Variants in NUP155 observed in about 807,000 individuals in gnomAD.
NUP155 encodes the protein nucleoporin 155, also known as nuclear pore complex protein Nup155.
Under a neutral mutation model 180.4 loss-of-function variants are expected in NUP155, and 71 were observed. The observed-to-expected ratio is 0.39, with a 90% CI of 0.33 to 0.48. NUP155 has a LOEUF of 0.48. Ranked by LOEUF, NUP155 falls within the 20% of genes least tolerant of loss-of-function variation. The probability of loss-of-function intolerance (pLI) is 0.91; values close to 1 mark genes in which losing one functional copy is unlikely to be tolerated. For missense variants in NUP155, 1,553 were observed against 1,648.9 expected (o/e 0.94, Z 1.01); for synonymous variants, 582 against 559.5 (o/e 1.04, Z -0.57).
chr5:37,292,417 G>A (rs904439569), intron 34 of NUP155, among the ~76,000 whole-genome samples: 3 of 151,790 alleles, frequency 2.0e-5, no homozygotes, highest in South Asian at 2.1e-4. Context: ...GGGGTTTCAC[G>A]TGTTAGCCAG....
At chr5:37,307,958 T>A (rs1258957801) in intron 24 of NUP155, among the ~76,000 whole-genome samples, 40 of 144,272 alleles carry the variant, frequency 2.8e-4, no homozygotes, top group African/African-American at 6.8e-4. Context: ...AAAAAATATA[T>A]ATATATATAT....
chr5:37,312,738 A>G (rs1411310158), intron 22 of NUP155, among the ~76,000 whole-genome samples: 1 of 152,192 alleles, frequency 6.6e-6, no homozygotes, highest in Non-Finnish European at 1.5e-5. Flanking sequence ...CTAAAGTAGG[A>G]GAATCACTGG....
chr5:37,292,216 GA>G (rs2150933558), intron 34 of NUP155, among the ~76,000 whole-genome samples, 178 bp from the exon 35 acceptor site: 1 of 149,472 alleles, frequency 6.7e-6, no homozygotes, highest in South Asian at 2.1e-4. Flanking sequence ...TCCATTTGAA[GA>G]TTTTTTTTTT....
intron 20 of NUP155, among the ~76,000 whole-genome samples, chr5:37,322,014 C>G (rs1166839146): frequency 6.6e-6 from 1 of 152,068 alleles, no homozygotes; most frequent in African/African-American, 2.4e-5. Context: ...TGCCACCACA[C>G]CTGGCTAGTT....
At chr5:37,326,148 CTAAG>C (rs1434313043) in intron 18 of NUP155, among the ~76,000 whole-genome samples, 181 bp from the exon 19 acceptor site, 9 of 151,984 alleles carry the variant, frequency 5.9e-5, no homozygotes, top group African/African-American at 1.9e-4. Flanking sequence ...CCTGATGTAC[CTAAG>C]TTTTTCAGAT....
At position 37,332,313 on chromosome 5, in the gene NUP155, C is replaced by CTTTTTTTT. The variant is rs1021002313; in HGVS notation, c.1519-526_1519-519dup. 2.7e-3 allele frequency among the ~76,000 whole-genome samples: 237 copies of CTTTTTTTT among 87,704 alleles called. 30 individuals carry two copies. The highest frequency in any genetic ancestry group is 0.01 in the African/African-American group (183 of 17,718). 57.5% of individuals were successfully genotyped at this position (87,704 alleles called of 152,430 possible). On this transcript the variant is annotated intron_variant, in intron 13 of 34. Coordinates refer to ENST00000231498, the MANE Select transcript of NUP155 (RefSeq NM_153485.3). ...GCAATTGAGGTTTCTGCCATTACAGCTTTTTTTTTTTTTTTTTTTTTTTTT... is the reference window on the plus strand; with the variant it reads ...GCAATTGAGGTTTCTGCCATTACAGCTTTTTTTTTTTTTTTTTTTTTTTTTTTTTTTTT...
At chr5:37,314,482 C>A (rs542758137) in intron 21 of NUP155, among the ~76,000 whole-genome samples, 154 bp from the exon 22 acceptor site, 2 of 152,320 alleles carry the variant, frequency 1.3e-5, no homozygotes, top group East Asian at 1.9e-4. Flanking sequence ...ATGTTATTAT[C>A]TTCTCCGTGT....
At chr5:37,335,049 T>C (rs1745233127) in intron 12 of NUP155, among the ~76,000 whole-genome samples, 1 of 151,484 alleles carries the variant, frequency 6.6e-6, no homozygotes, top group East Asian at 1.9e-4. Flanking sequence ...TCCCAGCTAC[T>C]CTGGATGCTG....
chr5:37,363,913 T>C lies in NUP155; in HGVS notation c.367A>G (p.Ile123Val). Residue 123 changes from isoleucine to valine, a missense_variant, in exon 3 of 35, where the codon ATA becomes GTA. Transcript: ENST00000231498. The part of the protein sequence containing the change: ...SRAWLTIDSD[I>V]FMWNYEDGGD... ...CCATCCTCATAGTTCCACATGAATA[T>C]ATCACTGTCAATTGTGAGCCAAGCT... The C allele has an allele frequency of 6.2e-7, 1 of 1,613,284 alleles. No individual in the cohort carries two copies. Among genetic ancestry groups the C allele is most frequent in the Non-Finnish European group, 8.5e-7 (1 of 1,179,236 alleles).
chr5:37,369,461 A>C (rs1747819485), intron 1 of NUP155, among the ~76,000 whole-genome samples: 1 of 152,210 alleles, frequency 6.6e-6, no homozygotes, highest in Non-Finnish European at 1.5e-5. Context: ...TGGATGGAAA[A>C]GAAGGGGAAG....
At chr5:37,313,824 T>A (rs1006680328) in intron 22 of NUP155, among the ~76,000 whole-genome samples, 5 of 152,254 alleles carry the variant, frequency 3.3e-5, no homozygotes, top group African/African-American at 1.2e-4. Flanking sequence ...ATTTAGGTTG[T>A]TGGGCCCTTT....
intron 29 of NUP155, among the ~76,000 whole-genome samples, 192 bp from the exon 30 acceptor site, chr5:37,301,742 G>C (rs1742873954): frequency 6.6e-6 from 1 of 152,142 alleles, no homozygotes; most frequent in African/African-American, 2.4e-5. Flanking sequence ...AGTATACTGT[G>C]GCAGACTCCT....
chr5:37,324,518 T>C (rs1284562694), intron 19 of NUP155, among the ~76,000 whole-genome samples: 1 of 152,154 alleles, frequency 6.6e-6, no homozygotes, highest in Non-Finnish European at 1.5e-5. Flanking sequence ...TATGGAATCA[T>C]ATACTGTGTT....
chr5:37,337,999 C>A lies in NUP155; in HGVS notation c.1247-81G>T, dbSNP rs527745285. On this transcript the variant is annotated intron_variant, in intron 11 of 34. Coordinates refer to ENST00000231498, the MANE Select transcript of NUP155 (RefSeq NM_153485.3). ...AACCTTAATAATTATTAGGTTAGTG[C>A]AAAAGCAATTGCGGTTTTGCAATTA... The A allele has an allele frequency of 3.0e-5, 27 of 910,918 alleles. No homozygotes were observed. In the Admixed American group the frequency reaches 3.9e-4, roughly 13 times the overall value. The allele number at this position is 910,918 out of a possible 1,614,324, so 56.4% of individuals were successfully genotyped here.
At chr5:37,355,343 A>C (rs1481560324) in intron 4 of NUP155, among the ~76,000 whole-genome samples, 1 of 151,736 alleles carries the variant, frequency 6.6e-6, no homozygotes, top group Non-Finnish European at 1.5e-5. Context: ...ACCACATGCT[A>C]CTAAAAATAC....
At chr5:37,317,705 T>TG (rs397997404) in intron 21 of NUP155, among the ~76,000 whole-genome samples, 3 of 149,776 alleles carry the variant, frequency 2.0e-5, no homozygotes, top group African/African-American at 4.9e-5. Context: ...TTTTTTTTTT[T>TG]GAGGCAGGTT....
chr5:37,345,974 TGAAAAAAATTCCA>T (rs1290080555), intron 9 of NUP155, among the ~76,000 whole-genome samples: 1 of 151,966 alleles, frequency 6.6e-6, no homozygotes, highest in Non-Finnish European at 1.5e-5. Context: ...TTTGTGGATT[TGAAAAAAATTCCA>T]GAAAAAAATT....
chr5:37,332,313 CTT>C (rs1021002313), intron 13 of NUP155, among the ~76,000 whole-genome samples: 1,486 of 87,566 alleles, frequency 0.017, 20 homozygotes, highest in African/African-American at 0.071. Context: ...GCCATTACAG[CTT>C]TTTTTTTTTT....
At chr5:37,313,901 C>T (rs1743693105) in intron 22 of NUP155, among the ~76,000 whole-genome samples, 1 of 152,124 alleles carries the variant, frequency 6.6e-6, no homozygotes, top group South Asian at 2.1e-4. Context: ...TGAGAGATAG[C>T]TTTTATCAGA....
Sources: allele counts gnomAD v4.1 joint callset (sites outside exome capture counted in the v4.1 genomes callset), GRCh38; gene constraint gnomAD v4.1.1; transcripts MANE v1.5; gene names NCBI Gene and HGNC (gene_info 2026-07-23, HGNC 2026-07-21).